The following COL8A1 variants were observed in gnomAD, a reference collection of about 807,000 sequenced individuals.
COL8A1 encodes collagen type VIII alpha 1 chain.
A neutral mutation model predicts 42.7 loss-of-function variants in COL8A1; 21 were observed. The ratio of observed to expected loss-of-function variants is 0.49; its 90% CI spans 0.35 to 0.71. The LOEUF is 0.71. Among genes scored for constraint, COL8A1 ranks in the 30% least tolerant of loss-of-function variants. The probability of loss-of-function intolerance (pLI) is 0.01; values close to 1 mark genes in which losing one functional copy is unlikely to be tolerated. For synonymous variants in COL8A1, 367 were observed against 369.1 expected (o/e 0.99, Z 0.06); for missense variants, 788 against 962.4 (o/e 0.82, Z 2.40).
intron 1 of COL8A1, among the ~76,000 whole-genome samples, chr3:99,686,921 A>C (rs1220193040): frequency 6.6e-6 from 1 of 152,174 alleles, no homozygotes; most frequent in African/African-American, 2.4e-5. Flanking sequence ...CCCAGGCTGC[A>C]GAGCAATGAC....
At chr3:99,705,373 A>G (rs532001170) in intron 1 of COL8A1, among the ~76,000 whole-genome samples, 1 of 152,196 alleles carries the variant, frequency 6.6e-6, no homozygotes, top group Non-Finnish European at 1.5e-5. Flanking sequence ...CTACTGATTT[A>G]TGCCATTGGG....
intron 1 of COL8A1, among the ~76,000 whole-genome samples, chr3:99,646,948 A>G (rs1205670963): frequency 6.6e-6 from 1 of 152,214 alleles, no homozygotes; most frequent in African/African-American, 2.4e-5. Flanking sequence ...TGACTTTTGT[A>G]TAAAATCTCT....
chr3:99,642,733 A>G (rs748118255), intron 1 of COL8A1, among the ~76,000 whole-genome samples: 2 of 152,222 alleles, frequency 1.3e-5, no homozygotes, highest in Non-Finnish European at 2.9e-5. Flanking sequence ...TCATAGAACA[A>G]GTTTCTAAAG....
intron 1 of COL8A1, among the ~76,000 whole-genome samples, chr3:99,697,088 G>T (rs1576435630): frequency 1.4e-5 from 2 of 138,786 alleles, no homozygotes; most frequent in South Asian, 4.7e-4. Flanking sequence ...CCGGGTTCAC[G>T]CCATTCTCCT....
chr3:99,686,092 T>C (rs1356493656), intron 1 of COL8A1, among the ~76,000 whole-genome samples: 1 of 152,198 alleles, frequency 6.6e-6, no homozygotes, highest in Non-Finnish European at 1.5e-5. Context: ...ACTCACTTCA[T>C]CAGAACTAAT....
intron 1 of COL8A1, among the ~76,000 whole-genome samples, chr3:99,719,196 C>T (rs1940083097): frequency 6.6e-6 from 1 of 152,010 alleles, no homozygotes; most frequent in Non-Finnish European, 1.5e-5. Flanking sequence ...GTAATATTAG[C>T]TTTTGATCAT....
intron 1 of COL8A1, among the ~76,000 whole-genome samples, chr3:99,671,797 A>G (rs1050465335): frequency 1.3e-5 from 2 of 152,016 alleles, no homozygotes; most frequent in African/African-American, 4.8e-5. Context: ...CTACCATATG[A>G]CCCAGTAATC....
chr3:99,689,930 C>T (rs1939169651), intron 1 of COL8A1, among the ~76,000 whole-genome samples: 1 of 152,218 alleles, frequency 6.6e-6, no homozygotes, highest in African/African-American at 2.4e-5. Context: ...ACTCGGGCTA[C>T]TGTTTACACA....
intron 1 of COL8A1, among the ~76,000 whole-genome samples, chr3:99,671,751 A>G (rs548499116): frequency 1.8e-4 from 28 of 152,160 alleles, no homozygotes; most frequent in African/African-American, 5.8e-4. Flanking sequence ...ATTATGGGAA[A>G]CAGTAAGAAG....
intron 1 of COL8A1, among the ~76,000 whole-genome samples, chr3:99,663,666 G>A (rs1386569137): frequency 6.6e-6 from 1 of 151,978 alleles, no homozygotes; most frequent in South Asian, 2.1e-4. Flanking sequence ...GAAATTATGA[G>A]AAATCTATAC....
intron 1 of COL8A1, among the ~76,000 whole-genome samples, chr3:99,733,358 C>T (rs1940586294): frequency 7.2e-6 from 1 of 139,578 alleles, no homozygotes; most frequent in African/African-American, 2.7e-5. Flanking sequence ...TCCATGTGAT[C>T]TCATTGTTCA....
chr3:99,725,344 A>G (rs1360924360), intron 1 of COL8A1, among the ~76,000 whole-genome samples: 1 of 151,908 alleles, frequency 6.6e-6, no homozygotes, highest in Non-Finnish European at 1.5e-5. Flanking sequence ...AAAATGTTAC[A>G]TTTCCTGAAA....
chr3:99,700,460 C>G (rs1939504709), intron 1 of COL8A1, among the ~76,000 whole-genome samples: 1 of 152,094 alleles, frequency 6.6e-6, no homozygotes, highest in Non-Finnish European at 1.5e-5. Context: ...TCTTCTGGCC[C>G]CACTTGGTAC....
chr3:99,763,777 G>A (rs1429631680), intron 2 of COL8A1, among the ~76,000 whole-genome samples: 2 of 152,166 alleles, frequency 1.3e-5, no homozygotes. Flanking sequence ...AGCCAGCTCA[G>A]CCAATTGGTC....
At chr3:99,644,636 C>T (rs1472414014) in intron 1 of COL8A1, among the ~76,000 whole-genome samples, 1 of 152,192 alleles carries the variant, frequency 6.6e-6, no homozygotes, top group Admixed American at 6.5e-5. Flanking sequence ...CAGTCTATGG[C>T]TAAGCATCAC....
At chr3:99,663,019 CA>C (rs1299348454) in intron 1 of COL8A1, among the ~76,000 whole-genome samples, 2 of 152,086 alleles carry the variant, frequency 1.3e-5, no homozygotes, top group African/African-American at 4.8e-5. Context: ...CTGACAAATG[CA>C]GGTGTAAAAG....
At chr3:99,758,418 A>G (rs1941301855) in intron 2 of COL8A1, among the ~76,000 whole-genome samples, 2 of 152,188 alleles carry the variant, frequency 1.3e-5, no homozygotes, top group Non-Finnish European at 2.9e-5. Flanking sequence ...ACATAATTCC[A>G]TTACATTTAT....
intron 2 of COL8A1, among the ~76,000 whole-genome samples, chr3:99,769,471 G>C (rs1368086410): frequency 6.6e-6 from 1 of 152,246 alleles, no homozygotes; most frequent in African/African-American, 2.4e-5. Context: ...CCAAAAGGCA[G>C]GGACTTCAGA....
intron 1 of COL8A1, chr3:99,679,324 A>T (rs1938796721): frequency 1.3e-5 from 2 of 152,264 alleles, no homozygotes; most frequent in African/African-American, 4.8e-5. Flanking sequence ...AATAGCAAAG[A>T]AAAGAACAGA....
Sources: gnomAD v4.1 joint callset for allele counts (sites outside exome capture counted in the v4.1 genomes callset) on GRCh38, gnomAD v4.1.1 for gene constraint, MANE v1.5 for transcripts, NCBI Gene and HGNC (gene_info 2026-07-23, HGNC 2026-07-21) for gene names.